The following PHF2 variants were observed in gnomAD, a reference collection of about 807,000 sequenced individuals.
PHF2 encodes the protein PHD finger protein 2.
In PHF2, 27 loss-of-function variants were observed where a neutral mutation model predicts 120.5. The observed-to-expected ratio is 0.22, with a 90% CI of 0.17 to 0.31. The LOEUF (loss-of-function observed/expected upper bound fraction) is 0.31. PHF2 is among the 10% of genes least tolerant of loss of function. PHF2 has a pLI of 1.00. For missense variants in PHF2, 1,024 were observed against 1,434.8 expected, an observed-to-expected ratio of 0.71 and a Z score of 4.63; for synonymous variants, 568 against 592.5, an observed-to-expected ratio of 0.96 and a Z score of 0.60.
intron 18 of PHF2, 36 bp from the exon 19 acceptor site, chr9:93,674,891 C>T: frequency 1.3e-6 from 2 of 1,525,430 alleles, no homozygotes; most frequent in Non-Finnish European, 9.1e-7. Flanking sequence ...CTGCCCTGCA[C>T]TCAGCGGGCC....
chr9:93,629,153 G>A (rs560951256), intron 1 of PHF2, among the ~76,000 whole-genome samples: 9 of 152,090 alleles, frequency 5.9e-5, no homozygotes, highest in Admixed American at 1.3e-4. Context: ...CGCCCACCTC[G>A]GCCTCTCAAA....
chr9:93,615,311 A>G lies in PHF2; in HGVS notation c.99-14659A>G, dbSNP rs538834744. On this transcript the variant is annotated intron_variant, in intron 1 of 21. Coordinates refer to ENST00000359246, the MANE Select transcript of PHF2 (RefSeq NM_005392.4). ...GATGGTGATGGTGATGATGTGTGAT[A>G]GTGATAGTGATGATGGTGATGGTGA... Among the ~76,000 whole-genome samples, 14 of 143,444 alleles carry G rather than the reference A, an allele frequency of 9.8e-5. No individual in the cohort carries two copies. In the East Asian group the frequency reaches 1.1e-3, roughly 11 times the overall value. The allele number at this position is 143,444 out of a possible 152,430, so 94.1% of individuals were successfully genotyped here.
In PHF2 at chr9:93,666,163, G is replaced by T. The variant is rs572238498; in HGVS notation, c.2187+103G>T. On this transcript the variant is annotated intron_variant, in intron 16 of 21. Transcript: ENST00000359246. ...CAGGGCGGTCTCTGGGGGTGTTTCT[G>T]CATGAGATGGCAAAGGGGCCCCTTA... The T allele has an allele frequency of 6.6e-5, 80 of 1,203,214 alleles. No individual in the cohort carries two copies. In the African/African-American group the frequency reaches 1.0e-3, roughly 15 times the overall value. The allele number at this position is 1,203,214 out of a possible 1,614,324, so 74.5% of individuals were successfully genotyped here.
intron 1 of PHF2, among the ~76,000 whole-genome samples, chr9:93,593,482 A>G (rs1042517516): frequency 3.9e-5 from 6 of 152,240 alleles, no homozygotes; most frequent in African/African-American, 1.2e-4. Context: ...TCTGCATACA[A>G]TTGGTTTCCT....
intron 2 of PHF2, among the ~76,000 whole-genome samples, chr9:93,632,364 G>A (rs1345960795): frequency 1.3e-5 from 2 of 152,184 alleles, no homozygotes; most frequent in Admixed American, 6.5e-5. Flanking sequence ...ACATATTTGT[G>A]CATGTGTATG....
intron 1 of PHF2, among the ~76,000 whole-genome samples, chr9:93,597,259 G>A (rs141618418): frequency 7.9e-5 from 12 of 152,256 alleles, no homozygotes; most frequent in African/African-American, 2.9e-4. Flanking sequence ...CTTAAAAAGA[G>A]TGCCTGGCCA....
chr9:93,613,929 C>A (rs1467421786), intron 1 of PHF2, among the ~76,000 whole-genome samples: 1 of 152,218 alleles, frequency 6.6e-6, no homozygotes, highest in Non-Finnish European at 1.5e-5. Flanking sequence ...TGGCCCCTCT[C>A]CTCCTGGCTG....
chr9:93,673,708 G>T lies in PHF2; in HGVS notation c.2472G>T (p.Ser824=). 1 of 1,613,216 alleles carries T rather than the reference G, an allele frequency of 6.2e-7. No individual in the cohort carries two copies. Among genetic ancestry groups the T allele is most frequent in the South Asian group, 1.1e-5 (1 of 91,036 alleles). ...TWGAGQAKGS[S]LAAHGARKNG... is the part of the protein sequence containing the mutation. The stretch of plus-strand genomic sequence containing the variant: ...GAGCTGGCCAGGCCAAGGGGAGCTC[G>T]CTGGCTGCCCATGGTGCCCGGAAGA... The change falls in exon 18 of 22, where the codon TCG becomes TCT. Residue 824 remains serine, a synonymous_variant. Transcript: ENST00000359246.
At chr9:93,582,041 C>G (rs1388247512) in intron 1 of PHF2, among the ~76,000 whole-genome samples, 1 of 152,168 alleles carries the variant, frequency 6.6e-6, no homozygotes, top group East Asian at 1.9e-4. Context: ...GGTTTAATGC[C>G]ATAGGGGTTT....
rs1826930445 is a variant in PHF2, at chr9:93,677,009, G to A, written c.3202+46G>A. On this transcript the variant is annotated intron_variant, in intron 21 of 21. Coordinates refer to ENST00000359246, the MANE Select transcript of PHF2 (RefSeq NM_005392.4). This position sits in a 1 kb window ranked among gnomAD's most constrained non-coding sequence, Gnocchi z 4.4. ...AGCCTGCAGCCCCCCTGCCCTGCCT[G>A]CCCCCATGGGCAGCCCCAGACATGC... 2.7e-6 allele frequency: 4 copies of A among 1,467,374 alleles called. No individual in the cohort carries two copies. Among genetic ancestry groups the A allele is most frequent in the Non-Finnish European group, 3.6e-6 (4 of 1,102,678 alleles). The allele number at this position is 1,467,374 out of a possible 1,614,324, so 90.9% of individuals were successfully genotyped here.
intron 1 of PHF2, among the ~76,000 whole-genome samples, chr9:93,600,308 A>T (rs1825416775): frequency 6.6e-6 from 1 of 151,844 alleles, no homozygotes; most frequent in Non-Finnish European, 1.5e-5. Context: ...AGTGTTAGGC[A>T]CCTCACATTT....
At chr9:93,584,971 A>T (rs1453031869) in intron 1 of PHF2, among the ~76,000 whole-genome samples, 1 of 152,146 alleles carries the variant, frequency 6.6e-6, no homozygotes, top group Non-Finnish European at 1.5e-5. Flanking sequence ...TTATTCCTAG[A>T]TGTTTTATTC....
At chr9:93,588,419 C>A (rs1468592554) in intron 1 of PHF2, among the ~76,000 whole-genome samples, 2 of 152,168 alleles carry the variant, frequency 1.3e-5, no homozygotes, top group African/African-American at 4.8e-5. Flanking sequence ...TCAGGCCAGA[C>A]ACAGCCCTTC....
At chr9:93,635,168 C>T (rs1826069711) in intron 2 of PHF2, among the ~76,000 whole-genome samples, 1 of 152,150 alleles carries the variant, frequency 6.6e-6, no homozygotes, top group African/African-American at 2.4e-5. Context: ...GAATTGTGGG[C>T]AGGGAGATTG....
At chr9:93,616,781 C>T (rs933396474) in intron 1 of PHF2, among the ~76,000 whole-genome samples, 5 of 151,992 alleles carry the variant, frequency 3.3e-5, no homozygotes, top group African/African-American at 1.2e-4. Flanking sequence ...TGCAGCATCC[C>T]AAGTAGTTGG....
intron 17 of PHF2, among the ~76,000 whole-genome samples, chr9:93,670,621 C>A (rs2118083441): frequency 6.6e-6 from 1 of 152,282 alleles, no homozygotes; most frequent in Non-Finnish European, 1.5e-5. Context: ...GCAGGGAGGT[C>A]CCCAAGGAGC....
rs755490573 is a variant in PHF2 at position 93,656,239 on chromosome 9, T to C, written c.1040+218T>C. Reference sequence around the variant, plus strand: ...CCGGCTCCTCAAGGGACCTGGCTGCTGGATGGTTGTAGTTGCCCTTGGTGG... The same window carrying C: ...CCGGCTCCTCAAGGGACCTGGCTGCCGGATGGTTGTAGTTGCCCTTGGTGG... On this transcript the variant is annotated intron_variant, in intron 8 of 21. Coordinates refer to ENST00000359246, the MANE Select transcript of PHF2 (RefSeq NM_005392.4). The surrounding 1 kb of genome is among the most constrained non-coding windows in gnomAD (Gnocchi z 4.1). 6.6e-6 allele frequency among the ~76,000 whole-genome samples: 1 copy of C among 152,112 alleles called. No individual in the cohort carries two copies. The highest frequency in any genetic ancestry group is 1.5e-5 in the Non-Finnish European group (1 of 68,014).
chr9:93,607,439 ATTTTT>A (rs36083667), intron 1 of PHF2, among the ~76,000 whole-genome samples: 1 of 100,548 alleles, frequency 9.9e-6, no homozygotes, highest in African/African-American at 4.0e-5. Flanking sequence ...TGCCTGGCTA[ATTTTT>A]TTTTTTTTTT....
intron 1 of PHF2, among the ~76,000 whole-genome samples, chr9:93,591,940 A>C (rs1663814260): frequency 6.6e-6 from 1 of 152,172 alleles, no homozygotes; most frequent in African/African-American, 2.4e-5. Flanking sequence ...CTGTGAATAC[A>C]TACCTGCCCG....
Sources: gnomAD v4.1 joint callset for allele counts (sites outside exome capture counted in the v4.1 genomes callset) on GRCh38, gnomAD v4.1.1 for gene constraint, Gnocchi (gnomAD v3.1) non-coding constraint, MANE v1.5 for transcripts, NCBI Gene and HGNC (gene_info 2026-07-23, HGNC 2026-07-21) for gene names.